Variants in THUMPD1 observed in about 807,000 individuals in gnomAD.
THUMPD1 encodes THUMP domain 1 NAT10 acetyltransferase adaptor, also known as THUMP domain-containing protein 1.
A neutral mutation model predicts 31.6 loss-of-function variants in THUMPD1; 31 were observed. The observed-to-expected ratio is 0.98, with a 90% CI of 0.74 to 1.32. The LOEUF (loss-of-function observed/expected upper bound fraction) is 1.32, where lower values mean the gene tolerates loss of function less well. Ranked by LOEUF, THUMPD1 falls within the 40% of genes most tolerant of loss-of-function variation. THUMPD1 has a pLI of 0.00. For missense variants in THUMPD1, 446 were observed against 427.8 expected, an observed-to-expected ratio of 1.04 and a Z score of -0.38; for synonymous variants, 166 against 158.2, an observed-to-expected ratio of 1.05 and a Z score of -0.37.
Position 20,736,667 on chromosome 16 carries a change from G to T in THUMPD1, c.*213C>A, listed in dbSNP as rs1363391260. ...CTATCCTCCCCTCTTTGCAACAGCA[G>T]CACATGGGTCTGCCTCTACGTAATA... On this transcript the variant is annotated 3_prime_UTR_variant, in exon 4 of 4. Transcript: ENST00000396083. 7 of 542,268 alleles carry T rather than the reference G, an allele frequency of 1.3e-5. No individual in the cohort carries two copies. The African/African-American group carries it at 1.3e-4, about 10-fold the overall frequency. The allele number at this position is 542,268 out of a possible 1,614,324, so 33.6% of individuals were successfully genotyped here.
chr16:20,733,751 A>C lies in THUMPD1; in HGVS notation c.*3129T>G, dbSNP rs1205672535. 1 of 152,154 alleles carries C rather than the reference A, an allele frequency of 6.6e-6. No individual in the cohort carries two copies. The highest frequency in any genetic ancestry group is 1.9e-4 in the East Asian group (1 of 5,202). 9.4% of individuals were successfully genotyped at this position (152,154 alleles called of 1,614,324 possible). On this transcript the variant is annotated 3_prime_UTR_variant, in exon 4 of 4. Transcript: ENST00000396083. Reference sequence around the variant, plus strand: ...TCGATTTCTGGCCGTACCAAAAGCAAAATACAAGTAAAAATAACATTTGAA... The same window carrying C: ...TCGATTTCTGGCCGTACCAAAAGCACAATACAAGTAAAAATAACATTTGAA...
rs2079869987 is a variant in THUMPD1, at chr16:20,736,425, A to G, written c.*455T>C. 1 of 153,786 alleles carries G rather than the reference A, an allele frequency of 6.5e-6. No individual in the cohort carries two copies. Among genetic ancestry groups the G allele is most frequent in the Non-Finnish European group, 1.4e-5 (1 of 69,336 alleles). 9.5% of individuals were successfully genotyped at this position (153,786 alleles called of 1,614,324 possible). On this transcript the variant is annotated 3_prime_UTR_variant, in exon 4 of 4. Coordinates refer to ENST00000396083, the MANE Select transcript of THUMPD1 (RefSeq NM_017736.5). Reference sequence around the variant, plus strand: ...ACATAAACAAGAAAATCACAAAAGTACAAAAACTTCACTAAACAATTCACT... The same window carrying G: ...ACATAAACAAGAAAATCACAAAAGTGCAAAAACTTCACTAAACAATTCACT...
chr16:20,734,577 AG>A lies in THUMPD1; in HGVS notation c.*2302del, dbSNP rs2079853370. ...CTTGTGCAGGAAGCCTAACATTTTT[AG>A]GATTTCCTAACTTTTTAAAACTTAA... On this transcript the variant is annotated 3_prime_UTR_variant, in exon 4 of 4. Transcript: ENST00000396083. 1 of 152,202 alleles carries A rather than the reference AG, an allele frequency of 6.6e-6. No homozygotes were observed. The highest frequency in any genetic ancestry group is 2.4e-5 in the African/African-American group (1 of 41,464). 9.4% of individuals were successfully genotyped at this position (152,202 alleles called of 1,614,324 possible). A position where few individuals can be genotyped will look rare whatever the true frequency, so the allele number is the denominator to read the frequency against.
rs914858436 is a variant in THUMPD1 at position 20,736,160 on chromosome 16, A to G, written c.*720T>C. Reference sequence around the variant, plus strand: ...ACAGGAGAGCTTGGACTGAGTCCACATAATACCCTTGAGAAGTAGCTTTCT... The same window carrying G: ...ACAGGAGAGCTTGGACTGAGTCCACGTAATACCCTTGAGAAGTAGCTTTCT... On this transcript the variant is annotated 3_prime_UTR_variant, in exon 4 of 4. Transcript: ENST00000396083. The G allele has an allele frequency of 1.3e-5, 2 of 152,204 alleles. No homozygotes were observed. Among genetic ancestry groups the G allele is most frequent in the African/African-American group, 4.8e-5 (2 of 41,452 alleles). The allele number at this position is 152,204 out of a possible 1,614,324, so 9.4% of individuals were successfully genotyped here. A position where few individuals can be genotyped will look rare whatever the true frequency, so the allele number is the denominator to read the frequency against.
At chr16:20,740,697 A>C (rs886570343) in intron 1 of THUMPD1, among the ~76,000 whole-genome samples, 1 of 152,152 alleles carries the variant, frequency 6.6e-6, no homozygotes, top group Non-Finnish European at 1.5e-5. Flanking sequence ...ACCCTTCTTC[A>C]TTTAATCCCT....
intron 2 of THUMPD1, among the ~76,000 whole-genome samples, chr16:20,738,467 C>T (rs1209065760): frequency 6.6e-6 from 1 of 152,126 alleles, no homozygotes; most frequent in Non-Finnish European, 1.5e-5. Flanking sequence ...TGCAACTTGC[C>T]TACATACAAG....
In THUMPD1 at chr16:20,734,907, G is replaced by A. The variant is rs1322296164; in HGVS notation, c.*1973C>T. On this transcript the variant is annotated 3_prime_UTR_variant, in exon 4 of 4. Coordinates refer to ENST00000396083, the MANE Select transcript of THUMPD1 (RefSeq NM_017736.5). ...AAGCTGAGCAGATTCAGAGACAAGG[G>A]TTCCTCATAGGTTATATACTAGTGC... is the stretch of plus-strand genomic sequence containing the variant. 1.3e-5 allele frequency: 2 copies of A among 152,188 alleles called. No individual in the cohort carries two copies. 9.4% of individuals were successfully genotyped at this position (152,188 alleles called of 1,614,324 possible).
intron 1 of THUMPD1, among the ~76,000 whole-genome samples, chr16:20,740,168 G>A (rs1248462904): frequency 6.6e-6 from 1 of 152,182 alleles, no homozygotes; most frequent in Non-Finnish European, 1.5e-5. Context: ...AGAGGTGGGC[G>A]GATCCCTTGA....
rs1380703800 is a variant in THUMPD1 at position 20,741,807 on chromosome 16, G to C, written c.-68C>G. 3 of 1,543,444 alleles carry C rather than the reference G, an allele frequency of 1.9e-6. No homozygotes were observed. The highest frequency in any genetic ancestry group is 1.7e-6 in the Non-Finnish European group (2 of 1,146,828). The stretch of plus-strand genomic sequence containing the variant: ...CTGTTGGCGTCCTCGTCTATCGCCG[G>C]CGCGAACTGGTGACGTCGGATATGA... On this transcript the variant is annotated 5_prime_UTR_variant, in exon 1 of 4. Coordinates refer to ENST00000396083, the MANE Select transcript of THUMPD1 (RefSeq NM_017736.5).
In THUMPD1 at chr16:20,737,366, T is replaced by C. The variant is rs894297934; in HGVS notation, c.656-80A>G. ...GATACAAAAAATCTTTTGTCTCTGT[T>C]TCTTGTTAAAACAAGACATACAGTA... On this transcript the variant is annotated intron_variant, in intron 3 of 3. Coordinates refer to ENST00000396083, the MANE Select transcript of THUMPD1 (RefSeq NM_017736.5). 8.4e-6 allele frequency: 12 copies of C among 1,431,838 alleles called. No individual in the cohort carries two copies. The East Asian group carries it at 2.8e-4, about 34-fold the overall frequency. The allele number at this position is 1,431,838 out of a possible 1,614,324, so 88.7% of individuals were successfully genotyped here.
rs112672659 is a variant in THUMPD1, at chr16:20,739,039, A to G, written c.264T>C (p.Ser88=). The G allele has an allele frequency of 7.8e-5, 126 of 1,614,072 alleles. No homozygotes were observed. In the African/African-American group the frequency reaches 1.4e-3, roughly 18 times the overall value. ...FTDKDQQPSG[S]EGEDDDAEAA... ...CCTCCGCATCATCATCCTCTCCCTCACTTCCAGAGGGCTGCTGATCCTTGT... is the reference window on the plus strand; with the variant it reads ...CCTCCGCATCATCATCCTCTCCCTCGCTTCCAGAGGGCTGCTGATCCTTGT... The change falls in exon 2 of 4, where the codon AGT becomes AGC. Residue 88 remains serine (S), a synonymous_variant. Coordinates refer to ENST00000396083, the MANE Select transcript of THUMPD1 (RefSeq NM_017736.5).
chr16:20,738,896 C>T lies in THUMPD1; in HGVS notation c.406+1G>A, dbSNP rs373262312. ...ATAATCTTAGCAAGTATTTGTCACA[C>T]CTATCCCAAGTGTCCTGATGAAGAC... is the stretch of plus-strand genomic sequence containing the variant. On this transcript the variant is annotated splice_donor_variant, in intron 2 of 3. Coordinates refer to ENST00000396083, the MANE Select transcript of THUMPD1 (RefSeq NM_017736.5). LOFTEE classifies it high-confidence loss of function. The T allele has an allele frequency of 1.9e-6, 3 of 1,613,898 alleles. No homozygotes were observed. The highest frequency in any genetic ancestry group is 1.1e-5 in the South Asian group (1 of 91,052).
In THUMPD1 at chr16:20,736,463, G is replaced by T; in HGVS notation, c.*417C>A. The T allele has an allele frequency of 6.3e-6, 1 of 159,364 alleles. No individual in the cohort carries two copies. The allele number at this position is 159,364 out of a possible 1,614,324, so 9.9% of individuals were successfully genotyped here. A position where few individuals can be genotyped will look rare whatever the true frequency, so the allele number is the denominator to read the frequency against. ...TAAACAATTCACTTCTAACCTACATGATCCACATTTTTGCAATGTTTACAA... is the reference window on the plus strand; with the variant it reads ...TAAACAATTCACTTCTAACCTACATTATCCACATTTTTGCAATGTTTACAA... On this transcript the variant is annotated 3_prime_UTR_variant, in exon 4 of 4. Coordinates refer to ENST00000396083, the MANE Select transcript of THUMPD1 (RefSeq NM_017736.5).
chr16:20,740,876 A>C (rs2079912390), intron 1 of THUMPD1, among the ~76,000 whole-genome samples: 1 of 152,240 alleles, frequency 6.6e-6, no homozygotes, highest in African/African-American at 2.4e-5. Context: ...TGCTTCAGGT[A>C]AACACATTAT....
chr16:20,740,184 G>A (rs2079904777), intron 1 of THUMPD1, among the ~76,000 whole-genome samples: 1 of 152,202 alleles, frequency 6.6e-6, no homozygotes, highest in African/African-American at 2.4e-5. Flanking sequence ...CTTGAGCCTA[G>A]GAATTTGACA....
chr16:20,741,481 G>GGGGGGGGGCCCCCCC, intron 1 of THUMPD1, 28 bp downstream of exon 1: 2 of 1,308,414 alleles, frequency 1.5e-6, no homozygotes, highest in Non-Finnish European at 2.0e-6. Context: ...CTGGCAGCCG[G>GGGGGGGGGCCCCCCC]CCCGCCCGCC....
In THUMPD1 at chr16:20,739,332, C is replaced by T. The variant is rs541811410; in HGVS notation, c.232-261G>A. On this transcript the variant is annotated intron_variant, in intron 1 of 3. Transcript: ENST00000396083. ...CTGTGATTACAGGCGCATGCCACTA[C>T]ACACAGCTAATTTTTGTATTTTTAG... 5.1e-4 allele frequency among the ~76,000 whole-genome samples: 77 copies of T among 152,080 alleles called. No homozygotes were observed. In the South Asian group the frequency reaches 0.016, roughly 31 times the overall value.
In THUMPD1 at chr16:20,734,280, T is replaced by C. The variant is rs2079849982; in HGVS notation, c.*2600A>G. On this transcript the variant is annotated 3_prime_UTR_variant, in exon 4 of 4. Coordinates refer to ENST00000396083, the MANE Select transcript of THUMPD1 (RefSeq NM_017736.5). ...GTCTTGCACTATCAAAATAGAATCT[T>C]TGTCTTGGAGCAAGTCTGCTGAAGA... is the stretch of plus-strand genomic sequence containing the variant. 1 of 152,630 alleles carries C rather than the reference T, an allele frequency of 6.6e-6. No individual in the cohort carries two copies. Among genetic ancestry groups the C allele is most frequent in the Non-Finnish European group, 1.5e-5 (1 of 68,026 alleles). 9.5% of individuals were successfully genotyped at this position (152,630 alleles called of 1,614,324 possible). A position where few individuals can be genotyped will look rare whatever the true frequency, so the allele number is the denominator to read the frequency against.
chr16:20,737,236 G>A lies in THUMPD1; in HGVS notation c.706C>T (p.Gln236Ter), dbSNP rs778649204. The A allele has an allele frequency of 1.1e-5, 17 of 1,614,092 alleles. No homozygotes were observed. In the South Asian group the frequency reaches 1.9e-4, roughly 18 times the overall value. The change falls in exon 4 of 4, where the codon CAG becomes TAG. Residue 236 changes from glutamine (Q) to a stop codon, truncating the protein, a stop_gained. Transcript: ENST00000396083. LOFTEE classifies it low-confidence loss of function (END_TRUNC). ...SENKVDLTNP[Q>*]YTVVVEIIKA... The stretch of plus-strand genomic sequence containing the variant: ...ATGATTTCTACTACCACTGTGTACT[G>A]TGGATTGGTGAGATCCACTTTATTT...
Sources: gnomAD v4.1 joint callset for allele counts (sites outside exome capture counted in the v4.1 genomes callset) on GRCh38, gnomAD v4.1.1 for gene constraint, MANE v1.5 for transcripts, NCBI Gene and HGNC (gene_info 2026-07-23, HGNC 2026-07-21) for gene names.